The following GATAD2B variants were observed in gnomAD, a reference collection of about 807,000 sequenced individuals.
GATAD2B encodes GATA zinc finger domain containing 2B.
GATAD2B carries 8 observed loss-of-function variants against 64.3 expected under a neutral mutation model. The observed-to-expected ratio is 0.12, with a 90% CI of 0.07 to 0.22. The LOEUF (loss-of-function observed/expected upper bound fraction) is 0.22, where lower values mean the gene tolerates loss of function less well. GATAD2B is among the 10% of genes least tolerant of loss of function. The pLI, the probability that GATAD2B is intolerant of heterozygous loss-of-function variation, is 1.00. For synonymous variants in GATAD2B, 281 were observed against 271.3 expected, an observed-to-expected ratio of 1.04 and a Z score of -0.35; for missense variants, 453 against 752.0, an observed-to-expected ratio of 0.60 and a Z score of 4.65.
chr1:153,828,448 T>TCACA (rs1170907017), intron 1 of GATAD2B, 100 bp from the exon 2 acceptor site: 15 of 669,568 alleles, frequency 2.2e-5, no homozygotes, highest in African/African-American at 1.5e-4. Context: ...AATCTCTCTC[T>TCACA]CACACATACA....
At position 153,870,634 on chromosome 1, in the gene GATAD2B, G is replaced by A. The variant is rs989296843; in HGVS notation, c.-1-42286C>T. 1.9e-4 allele frequency among the ~76,000 whole-genome samples: 29 copies of A among 152,158 alleles called. 1 individual carries two copies. The highest frequency in any genetic ancestry group is 4.1e-4 in the South Asian group (2 of 4,826). On this transcript the variant is annotated intron_variant, in intron 1 of 10. Coordinates refer to ENST00000368655, the MANE Select transcript of GATAD2B (RefSeq NM_020699.4). The stretch of plus-strand genomic sequence containing the variant: ...GAAAAAAATTCCACATCAAAATGCT[G>A]TCAAATGCAGTCAAAACTTTGCTTT...
chr1:153,881,715 A>G (rs1481842612), intron 1 of GATAD2B, among the ~76,000 whole-genome samples: 2 of 152,170 alleles, frequency 1.3e-5, no homozygotes, highest in African/African-American at 4.8e-5. Flanking sequence ...GAAAAGTGAG[A>G]GAGATAAGAA....
At chr1:153,899,549 C>CG (rs1304799499) in intron 1 of GATAD2B, among the ~76,000 whole-genome samples, 1 of 150,372 alleles carries the variant, frequency 6.7e-6, no homozygotes, top group Non-Finnish European at 1.5e-5. Context: ...GCCTGGGTAA[C>CG]GACGACGAAA....
At chr1:153,903,802 G>T (rs1009830966) in intron 1 of GATAD2B, among the ~76,000 whole-genome samples, 13 of 151,918 alleles carry the variant, frequency 8.6e-5, no homozygotes, top group Non-Finnish European at 2.9e-5. Context: ...TGGGCAATAT[G>T]GCAAATCCCC....
intron 1 of GATAD2B, among the ~76,000 whole-genome samples, chr1:153,876,942 G>A (rs931512113): frequency 3.9e-5 from 6 of 152,150 alleles, no homozygotes; most frequent in Admixed American, 1.3e-4. Context: ...AGGGGAGGGC[G>A]GCGGGTGGAG....
Position 153,816,887 on chromosome 1 carries a change from C to T in GATAD2B, c.901-299G>A, listed in dbSNP as rs1674498863. Among the ~76,000 whole-genome samples the T allele has an allele frequency of 9.2e-5, 14 of 152,258 alleles. No individual in the cohort carries two copies. In the South Asian group the frequency reaches 2.7e-3, roughly 29 times the overall value. ...TCACTTGAGGTGAGGAGTTTGAGAC[C>T]AGCCTGGCCAACATGGTCAAACTCT... On this transcript the variant is annotated intron_variant, in intron 6 of 10. Coordinates refer to ENST00000368655, the MANE Select transcript of GATAD2B (RefSeq NM_020699.4). This position sits in a 1 kb window ranked among gnomAD's most constrained non-coding sequence, Gnocchi z 4.9.
chr1:153,902,687 C>T (rs1677816457), intron 1 of GATAD2B, among the ~76,000 whole-genome samples: 1 of 152,086 alleles, frequency 6.6e-6, no homozygotes, highest in South Asian at 2.1e-4. Context: ...AACTCCTGGG[C>T]TCAAGCAGTC....
At chr1:153,887,475 A>T (rs1422807034) in intron 1 of GATAD2B, among the ~76,000 whole-genome samples, 2 of 152,204 alleles carry the variant, frequency 1.3e-5, no homozygotes, top group Non-Finnish European at 2.9e-5. Context: ...GCTAAAGTAA[A>T]AACTAGGTAC....
In GATAD2B at chr1:153,807,782, T is replaced by C. The variant is rs1161902393; in HGVS notation, c.*2395A>G. ...CCCCCAGCCAGACGGTATTGCACAT[T>C]CTCTGTTCCTTACTTTTAATCTCAA... On this transcript the variant is annotated 3_prime_UTR_variant, in exon 11 of 11. Transcript: ENST00000368655. 6.6e-6 allele frequency: 1 copy of C among 152,614 alleles called. No individual in the cohort carries two copies. The highest frequency in any genetic ancestry group is 6.6e-5 in the Admixed American group (1 of 15,266). 9.5% of individuals were successfully genotyped at this position (152,614 alleles called of 1,614,324 possible). A position where few individuals can be genotyped will look rare whatever the true frequency, so the allele number is the denominator to read the frequency against.
chr1:153,871,665 T>C (rs1405735825), intron 1 of GATAD2B, among the ~76,000 whole-genome samples: 1 of 151,890 alleles, frequency 6.6e-6, no homozygotes, highest in African/African-American at 2.4e-5. Flanking sequence ...AGAGACGGGT[T>C]TTACCATGTT....
chr1:153,817,534 A>G lies in GATAD2B; in HGVS notation c.738T>C (p.Ser246=), dbSNP rs1054928132. The G allele has an allele frequency of 6.3e-7, 1 of 1,595,482 alleles. No individual in the cohort carries two copies. Among genetic ancestry groups the G allele is most frequent in the Non-Finnish European group, 8.5e-7 (1 of 1,171,970 alleles). ...PQNLRTLQGH[S]VIRSATNTTL... ...TGGTATTGGTAGCTGAACGGATGAC[A>G]CTGTGACCCTGGAGGGGAAGAAGAG... The change falls in exon 6 of 11, where the codon AGT becomes AGC. Residue 246 remains serine (S), a synonymous_variant. Coordinates refer to ENST00000368655, the MANE Select transcript of GATAD2B (RefSeq NM_020699.4).
intron 2 of GATAD2B, among the ~76,000 whole-genome samples, 189 bp downstream of exon 2, chr1:153,827,824 T>C (rs1018059351): frequency 2.0e-5 from 3 of 152,188 alleles, no homozygotes; most frequent in Admixed American, 6.5e-5. Context: ...CGATTCTCTG[T>C]AGGCTAAGCA....
chr1:153,909,708 G>A (rs1678057044), intron 1 of GATAD2B, among the ~76,000 whole-genome samples: 1 of 151,014 alleles, frequency 6.6e-6, no homozygotes, highest in Non-Finnish European at 1.5e-5. Context: ...TGAGGGGGCG[G>A]GGGGGCAGAT....
At chr1:153,846,868 CT>C (rs1389181182) in intron 1 of GATAD2B, among the ~76,000 whole-genome samples, 7 of 151,674 alleles carry the variant, frequency 4.6e-5, no homozygotes, top group Admixed American at 2.0e-4. Context: ...CCTTCTTGCT[CT>C]TTTATGCCTT....
chr1:153,921,173 T>C (rs1271748512), intron 1 of GATAD2B, among the ~76,000 whole-genome samples: 1 of 152,116 alleles, frequency 6.6e-6, no homozygotes, highest in Non-Finnish European at 1.5e-5. Flanking sequence ...CAGGTCAGCA[T>C]ACCAAATGAA....
intron 1 of GATAD2B, among the ~76,000 whole-genome samples, chr1:153,882,671 T>TCATA (rs1349750248): frequency 1.3e-5 from 2 of 152,208 alleles, no homozygotes; most frequent in African/African-American, 2.4e-5. Flanking sequence ...CTTTCCTGTG[T>TCATA]CATAGCTAGA....
intron 1 of GATAD2B, among the ~76,000 whole-genome samples, chr1:153,883,808 G>A (rs1677078774): frequency 6.6e-6 from 1 of 151,372 alleles, no homozygotes; most frequent in Non-Finnish European, 1.5e-5. Context: ...CTTCAACATT[G>A]TAGAGGCTGA....
rs571912606 is a variant in GATAD2B, at chr1:153,869,285, A to G, written c.-1-40937T>C. On this transcript the variant is annotated intron_variant, in intron 1 of 10. Transcript: ENST00000368655. ...ACAGCCCAGGCGACAGAGCAAGACT[A>G]TATCTCAAAAAAAAAAAAAGACAAC... 2.9e-3 allele frequency among the ~76,000 whole-genome samples: 194 copies of G among 65,800 alleles called. 3 individuals are homozygous for G. Among genetic ancestry groups the G allele is most frequent in the African/African-American group, 9.6e-3 (185 of 19,178 alleles). 43.2% of individuals were successfully genotyped at this position (65,800 alleles called of 152,430 possible).
At position 153,808,692 on chromosome 1, in the gene GATAD2B, T is replaced by C. The variant is rs1208108928; in HGVS notation, c.*1485A>G. On this transcript the variant is annotated 3_prime_UTR_variant, in exon 11 of 11. Coordinates refer to ENST00000368655, the MANE Select transcript of GATAD2B (RefSeq NM_020699.4). Reference sequence around the variant, plus strand: ...GGCTTCCCTTACTTCAAAAACAGCCTGGTCCACTCCGTCTTCCCACAGTGT... The same window carrying C: ...GGCTTCCCTTACTTCAAAAACAGCCCGGTCCACTCCGTCTTCCCACAGTGT... 2.0e-5 allele frequency: 3 copies of C among 151,420 alleles called. No individual in the cohort carries two copies. The highest frequency in any genetic ancestry group is 7.3e-5 in the African/African-American group (3 of 40,948). The allele number at this position is 151,420 out of a possible 1,614,324, so 9.4% of individuals were successfully genotyped here.
Sources: allele counts gnomAD v4.1 joint callset (sites outside exome capture counted in the v4.1 genomes callset), GRCh38; gene constraint gnomAD v4.1.1; non-coding constraint Gnocchi (gnomAD v3.1); transcripts MANE v1.5; gene names NCBI Gene and HGNC (gene_info 2026-07-23, HGNC 2026-07-21).